The following STK32B variants were observed in gnomAD, a reference collection of about 807,000 sequenced individuals.
STK32B encodes the protein serine/threonine kinase 32B, also known as serine/threonine-protein kinase 32B.
Under a neutral mutation model 52.6 loss-of-function variants are expected in STK32B, and 43 were observed. The observed-to-expected ratio is 0.82, with a 90% CI of 0.64 to 1.05. The LOEUF (loss-of-function observed/expected upper bound fraction) is 1.05, where lower values mean the gene tolerates loss of function less well. Among genes scored for constraint, STK32B ranks in the 50% least tolerant of loss-of-function variants. STK32B has a pLI of 0.00. For synonymous variants in STK32B, 238 were observed against 204.3 expected (o/e 1.17, Z -1.41); for missense variants, 621 against 534.6 (o/e 1.16, Z -1.59).
At chr4:5,027,066 G>A in the STK32B span, among the ~76,000 whole-genome samples, 1 of 152,170 alleles carries the variant, frequency 6.6e-6, no homozygotes, top group Non-Finnish European at 1.5e-5. Flanking sequence ...TGGGGTTGGG[G>A]TAGACTGAAT....
chr4:5,164,493 A>G (rs892623360), intron 2 of STK32B, among the ~76,000 whole-genome samples: 1 of 152,250 alleles, frequency 6.6e-6, no homozygotes, highest in African/African-American at 2.4e-5. Flanking sequence ...GCACTGTCTT[A>G]GTCCGCCTGG....
intron 3 of STK32B, among the ~76,000 whole-genome samples, chr4:5,253,656 T>G (rs186968385): frequency 3.3e-5 from 5 of 152,002 alleles, no homozygotes; most frequent in African/African-American, 1.2e-4. Flanking sequence ...ATTACAGGCG[T>G]GAGACACTGC....
At chr4:5,078,649 TG>T (rs1214261674) in intron 1 of STK32B, among the ~76,000 whole-genome samples, 1 of 152,196 alleles carries the variant, frequency 6.6e-6, no homozygotes, top group Non-Finnish European at 1.5e-5. Context: ...GATGCCTCCT[TG>T]TTGGATTCAG....
At chr4:5,285,580 A>G (rs370245241) in intron 3 of STK32B, among the ~76,000 whole-genome samples, 29 of 152,228 alleles carry the variant, frequency 1.9e-4, no homozygotes, top group East Asian at 3.8e-4. Context: ...CATAGCAATC[A>G]TAAGAACAAT....
At chr4:5,061,858 C>T (rs1013344997) in intron 1 of STK32B, among the ~76,000 whole-genome samples, 1 of 152,218 alleles carries the variant, frequency 6.6e-6, no homozygotes, top group African/African-American at 2.4e-5. Context: ...AGCAGCTCCT[C>T]AGCTTCTTGG....
intron 4 of STK32B, among the ~76,000 whole-genome samples, chr4:5,342,154 T>A (rs546019672): frequency 1.1e-4 from 16 of 152,248 alleles, no homozygotes; most frequent in Middle Eastern, 6.8e-3. Context: ...TCCTCAAGGA[T>A]CTAGAACTAG....
intron 11 of STK32B, among the ~76,000 whole-genome samples, chr4:5,490,160 G>A (rs1015797257): frequency 6.6e-6 from 1 of 151,320 alleles, no homozygotes; most frequent in Non-Finnish European, 1.5e-5. Context: ...AGGCTGGAGT[G>A]CAGTGGCATG....
At chr4:5,288,434 G>T (rs1728683676) in intron 3 of STK32B, among the ~76,000 whole-genome samples, 1 of 152,106 alleles carries the variant, frequency 6.6e-6, no homozygotes, top group African/African-American at 2.4e-5. Context: ...CCATCTTAGT[G>T]GGTATAAATG....
At chr4:5,429,735 A>G (rs1713408482) in intron 6 of STK32B, among the ~76,000 whole-genome samples, 1 of 152,044 alleles carries the variant, frequency 6.6e-6, no homozygotes, top group African/African-American at 2.4e-5. Context: ...TCCTTTAACA[A>G]TTTTGACTAT....
intron 4 of STK32B, among the ~76,000 whole-genome samples, chr4:5,397,668 G>A (rs1490603355): frequency 6.6e-6 from 1 of 152,198 alleles, no homozygotes; most frequent in African/African-American, 2.4e-5. Flanking sequence ...ACGTGTATAT[G>A]TTGTTTTGTT....
At chr4:5,472,226 G>A (rs1199458170) in intron 11 of STK32B, among the ~76,000 whole-genome samples, 1 of 152,222 alleles carries the variant, frequency 6.6e-6, no homozygotes, top group Non-Finnish European at 1.5e-5. Context: ...TCCTCAGGAT[G>A]CCCATAGCCT....
intron 11 of STK32B, among the ~76,000 whole-genome samples, chr4:5,480,072 A>C (rs1718562127): frequency 6.6e-6 from 1 of 152,224 alleles, no homozygotes; most frequent in Non-Finnish European, 1.5e-5. Context: ...TTAAGCATTT[A>C]ACAGCCTCGG....
At chr4:5,295,914 A>G (rs1027024329) in intron 3 of STK32B, among the ~76,000 whole-genome samples, 1 of 151,292 alleles carries the variant, frequency 6.6e-6, no homozygotes, top group Non-Finnish European at 1.5e-5. Context: ...AGTCCTATAA[A>G]TTTCTCTCTA....
At chr4:5,241,524 C>T (rs761923466) in intron 3 of STK32B, among the ~76,000 whole-genome samples, 3 of 151,690 alleles carry the variant, frequency 2.0e-5, no homozygotes, top group Admixed American at 6.6e-5. Flanking sequence ...ACTATAAGGT[C>T]GTAGGTAGGT....
chr4:5,317,219 A>G lies in STK32B; in HGVS notation c.261-14001A>G, dbSNP rs1261213897. Reference sequence around the variant, plus strand: ...TATATATATTATATATATAACATATATATATTATATATAACATATATATAT... The same window carrying G: ...TATATATATTATATATATAACATATGTATATTATATATAACATATATATAT... On this transcript the variant is annotated intron_variant, in intron 3 of 11. Coordinates refer to ENST00000282908, the MANE Select transcript of STK32B (RefSeq NM_018401.3). Among the ~76,000 whole-genome samples, 2 of 54,438 alleles carry G rather than the reference A, an allele frequency of 3.7e-5. 1 individual carries two copies. Among genetic ancestry groups the G allele is most frequent in the Admixed American group, 6.2e-4 (2 of 3,238 alleles). 35.7% of individuals were successfully genotyped at this position (54,438 alleles called of 152,430 possible). A position where few individuals can be genotyped will look rare whatever the true frequency, so the allele number is the denominator to read the frequency against.
intron 1 of STK32B, among the ~76,000 whole-genome samples, chr4:5,094,492 A>T (rs1713270460): frequency 6.6e-6 from 1 of 152,008 alleles, no homozygotes. Context: ...GTCTCTACAG[A>T]ATATTTTAAA....
chr4:5,198,720 G>A (rs1009964516), intron 3 of STK32B, among the ~76,000 whole-genome samples: 4 of 152,168 alleles, frequency 2.6e-5, no homozygotes, highest in African/African-American at 7.2e-5. Context: ...GGAGGAAGGC[G>A]GCACCTGGCA....
intron 3 of STK32B, among the ~76,000 whole-genome samples, chr4:5,194,887 A>G (rs1354780819): frequency 6.6e-6 from 1 of 152,316 alleles, no homozygotes; most frequent in South Asian, 2.1e-4. Context: ...ATGAAAACTC[A>G]TTCACTCACT....
At chr4:5,465,198 C>T (rs375698605) in intron 9 of STK32B, among the ~76,000 whole-genome samples, 1 of 152,140 alleles carries the variant, frequency 6.6e-6, no homozygotes, top group Admixed American at 6.5e-5. Flanking sequence ...GACAACAACT[C>T]GGTAACATTT....
Sources: gnomAD v4.1 joint callset for allele counts (sites outside exome capture counted in the v4.1 genomes callset) on GRCh38, gnomAD v4.1.1 for gene constraint, MANE v1.5 for transcripts, NCBI Gene and HGNC (gene_info 2026-07-23, HGNC 2026-07-21) for gene names.